The following CTNNA3 variants were observed in gnomAD, a reference collection of about 807,000 sequenced individuals.
The protein encoded by CTNNA3 is catenin alpha-3.
In CTNNA3, 76 loss-of-function variants were observed where a neutral mutation model predicts 95.7. The ratio of observed to expected loss-of-function variants is 0.79; its 90% CI spans 0.66 to 0.96. The LOEUF (loss-of-function observed/expected upper bound fraction) is 0.96, where lower values mean the gene tolerates loss of function less well. CTNNA3 is among the 40% of genes least tolerant of loss of function. CTNNA3 has a pLI of 0.00. For missense variants in CTNNA3, 1,191 were observed against 1,089.8 expected (o/e 1.09, Z -1.31); for synonymous variants, 431 against 374.4 (o/e 1.15, Z -1.74).
At chr10:66,331,385 G>A (rs1226662241) in intron 12 of CTNNA3, among the ~76,000 whole-genome samples, 1 of 81,886 alleles carries the variant, frequency 1.2e-5, no homozygotes, top group Non-Finnish European at 2.1e-5. Context: ...ACGGAGTTTT[G>A]CTCTGTCGCC....
chr10:66,428,663 TA>T (rs2093266098), intron 11 of CTNNA3, among the ~76,000 whole-genome samples: 1 of 151,926 alleles, frequency 6.6e-6, no homozygotes. Context: ...ACTGGGTACA[TA>T]ACGAAATGAA....
chr10:66,579,609 C>T (rs2132191315), intron 10 of CTNNA3, among the ~76,000 whole-genome samples: 1 of 151,812 alleles, frequency 6.6e-6, no homozygotes, highest in African/African-American at 2.4e-5. Flanking sequence ...GAAAATAATA[C>T]AAGTTTTTGC....
At chr10:66,548,326 C>T (rs1192417302) in intron 10 of CTNNA3, among the ~76,000 whole-genome samples, 1 of 152,116 alleles carries the variant, frequency 6.6e-6, no homozygotes, top group African/African-American at 2.4e-5. Flanking sequence ...AATACTGACA[C>T]TGTATCCAGA....
intron 5 of CTNNA3, among the ~76,000 whole-genome samples, chr10:67,346,880 T>C (rs1842440441): frequency 6.6e-6 from 1 of 152,024 alleles, no homozygotes; most frequent in Non-Finnish European, 1.5e-5. Flanking sequence ...TGCCCTCAGC[T>C]TGAGACAGCA....
At chr10:66,874,115 A>ACGG (rs201625845) in intron 7 of CTNNA3, among the ~76,000 whole-genome samples, 1 of 107,124 alleles carries the variant, frequency 9.3e-6, no homozygotes, top group Admixed American at 8.9e-5. Context: ...CTCAAGTCAC[A>ACGG]GTCATTCAAT....
intron 7 of CTNNA3, among the ~76,000 whole-genome samples, chr10:67,164,548 G>C (rs1377433084): frequency 6.6e-6 from 1 of 151,992 alleles, no homozygotes; most frequent in South Asian, 2.1e-4. Flanking sequence ...ACCATTCTTA[G>C]ACACAAAAAG....
chr10:67,302,049 AAG>A (rs1419635357), intron 5 of CTNNA3, among the ~76,000 whole-genome samples: 1 of 89,806 alleles, frequency 1.1e-5, no homozygotes, highest in Non-Finnish European at 1.9e-5. Context: ...GAAAGAAAGA[AAG>A]AAAGAAAGAA....
intron 7 of CTNNA3, among the ~76,000 whole-genome samples, chr10:66,957,459 T>TATATATATATGC (rs1564794111): frequency 0.039 from 962 of 24,674 alleles, 15 homozygotes; most frequent in Admixed American, 0.15. Context: ...TATATATGCA[T>TATATATATATGC]ATATATATAT....
rs1217703048 is a variant in CTNNA3 at position 67,317,387 on chromosome 10, C to G, written c.580-97517G>C. On this transcript the variant is annotated intron_variant, in intron 5 of 17. Transcript: ENST00000433211. ...GTCCCCCCACCCCACAACAGTCCCCCGTGTGTGATGTTCCCCTTCCTGTGT... is the reference window on the plus strand; with the variant it reads ...GTCCCCCCACCCCACAACAGTCCCCGGTGTGTGATGTTCCCCTTCCTGTGT... 2.0e-5 allele frequency among the ~76,000 whole-genome samples: 3 copies of G among 149,724 alleles called. No homozygotes were observed. In the South Asian group the frequency reaches 6.5e-4, roughly 32 times the overall value.
At chr10:67,472,433 G>A (rs1000774943) in intron 5 of CTNNA3, among the ~76,000 whole-genome samples, 2 of 152,084 alleles carry the variant, frequency 1.3e-5, no homozygotes, top group Non-Finnish European at 2.9e-5. Flanking sequence ...AACCAAAATG[G>A]CAATGAAAGC....
intron 15 of CTNNA3, among the ~76,000 whole-genome samples, chr10:66,049,212 A>C (rs2079897704): frequency 6.6e-6 from 1 of 152,246 alleles, no homozygotes; most frequent in South Asian, 2.1e-4. Context: ...ATCATTAGAG[A>C]AATGCAAATT....
chr10:66,824,830 G>C (rs1842438418), intron 7 of CTNNA3, among the ~76,000 whole-genome samples: 1 of 152,004 alleles, frequency 6.6e-6, no homozygotes, highest in Non-Finnish European at 1.5e-5. Context: ...TCCCATAACG[G>C]GATCCTGGGA....
At chr10:66,942,703 A>G (rs541036724) in intron 7 of CTNNA3, among the ~76,000 whole-genome samples, 1 of 151,976 alleles carries the variant, frequency 6.6e-6, no homozygotes, top group African/African-American at 2.4e-5. Flanking sequence ...GACATATCAC[A>G]CCTTCCCATA....
chr10:66,741,874 G>A (rs1368110297), intron 9 of CTNNA3, among the ~76,000 whole-genome samples: 1 of 152,052 alleles, frequency 6.6e-6, no homozygotes, highest in Non-Finnish European at 1.5e-5. Flanking sequence ...CTTTACTTTA[G>A]TCTCTTAATC....
At chr10:66,216,406 T>C (rs1050156147) in intron 13 of CTNNA3, among the ~76,000 whole-genome samples, 2 of 152,220 alleles carry the variant, frequency 1.3e-5, no homozygotes, top group African/African-American at 4.8e-5. Context: ...TCTTTGGAAA[T>C]CCATAGTAAA....
chr10:66,415,327 AC>A (rs1400223348), intron 11 of CTNNA3, among the ~76,000 whole-genome samples: 4 of 141,702 alleles, frequency 2.8e-5, no homozygotes, highest in Admixed American at 7.0e-5. Context: ...GCCTACCCAC[AC>A]AGCAGCTACT....
intron 10 of CTNNA3, among the ~76,000 whole-genome samples, chr10:66,547,810 T>C (rs1330060597): frequency 6.6e-6 from 1 of 152,188 alleles, no homozygotes; most frequent in African/African-American, 2.4e-5. Context: ...GATTGAGAAA[T>C]ACAGATATAG....
At chr10:65,963,777 C>A (rs1211050071) in intron 17 of CTNNA3, among the ~76,000 whole-genome samples, 1 of 152,118 alleles carries the variant, frequency 6.6e-6, no homozygotes, top group Admixed American at 6.6e-5. Flanking sequence ...GTAAAACATG[C>A]AACTTCAAGA....
intron 7 of CTNNA3, among the ~76,000 whole-genome samples, chr10:66,824,445 G>C (rs1842420974): frequency 6.6e-6 from 1 of 152,124 alleles, no homozygotes; most frequent in Non-Finnish European, 1.5e-5. Context: ...TCATTTAAAA[G>C]AAAGCACTTC....
Sources: allele counts gnomAD v4.1 joint callset (sites outside exome capture counted in the v4.1 genomes callset), GRCh38; gene constraint gnomAD v4.1.1; transcripts MANE v1.5; gene names NCBI Gene and HGNC (gene_info 2026-07-23, HGNC 2026-07-21).